The following EXT2 variants were observed in gnomAD, a reference collection of about 807,000 sequenced individuals.
EXT2 encodes the protein exostosin-2.
In EXT2, 53 loss-of-function variants were observed where a neutral mutation model predicts 81.6. The observed-to-expected ratio is 0.65, with a 90% confidence interval of 0.52 to 0.82. The LOEUF (loss-of-function observed/expected upper bound fraction) is 0.82. Ranked by LOEUF, EXT2 falls within the 40% of genes least tolerant of loss-of-function variation. The probability of loss-of-function intolerance (pLI) is 0.00; values close to 1 mark genes in which losing one functional copy is unlikely to be tolerated. For missense variants in EXT2, 774 were observed against 910.2 expected (o/e 0.85, Z 1.93); for synonymous variants, 320 against 340.0 (o/e 0.94, Z 0.65).
intron 13 of EXT2, among the ~76,000 whole-genome samples, chr11:44,239,871 C>T (rs988114707): frequency 2.6e-5 from 4 of 151,906 alleles, no homozygotes; most frequent in African/African-American, 9.7e-5. Flanking sequence ...GGGATTTGTC[C>T]CAGGACCTCT....
intron 1 of EXT2, 52 bp from the exon 2 acceptor site, chr11:44,107,631 C>T: frequency 6.6e-7 from 1 of 1,522,480 alleles, no homozygotes; most frequent in Non-Finnish European, 8.9e-7. Context: ...TTTCAAGTGT[C>T]ATTTGCCATC....
chr11:44,177,830 G>A (rs1347752620), intron 8 of EXT2, among the ~76,000 whole-genome samples: 1 of 152,074 alleles, frequency 6.6e-6, no homozygotes, highest in Non-Finnish European at 1.5e-5. Context: ...GAAGAGAGTA[G>A]GGGTTCTTAT....
At chr11:44,209,285 A>G (rs78548982) in intron 10 of EXT2, among the ~76,000 whole-genome samples, 15,211 of 152,094 alleles carry the variant, frequency 0.1, 764 homozygotes, top group Middle Eastern at 0.18. Flanking sequence ...TTTAGAATGT[A>G]AGCACCAAAA....
rs1956096212 is a variant in EXT2 at position 44,246,660 on chromosome 11, A to G, written c.*2373A>G. Among the ~76,000 whole-genome samples, 1 of 152,252 alleles carries G rather than the reference A, an allele frequency of 6.6e-6. No individual in the cohort carries two copies. Among genetic ancestry groups the G allele is most frequent in the African/African-American group, 2.4e-5 (1 of 41,458 alleles). ...TCAAAGGTGATGTTACCCTATGAAC[A>G]GATAGGTGGTACAGTCACCGTAGAA... On this transcript the variant is annotated 3_prime_UTR_variant, in exon 14 of 14. Coordinates refer to ENST00000533608, the MANE Select transcript of EXT2 (RefSeq NM_207122.2).
At chr11:44,161,155 T>C (rs796667536) in intron 7 of EXT2, among the ~76,000 whole-genome samples, 6 of 152,262 alleles carry the variant, frequency 3.9e-5, no homozygotes, top group African/African-American at 9.6e-5. Context: ...AAAAAGTGGC[T>C]ATATACTTTT....
At chr11:44,221,457 T>G (rs575223871) in intron 10 of EXT2, among the ~76,000 whole-genome samples, 1 of 152,352 alleles carries the variant, frequency 6.6e-6, no homozygotes, top group South Asian at 2.1e-4. Flanking sequence ...ATGAGATATC[T>G]GCAATGATAT....
intron 8 of EXT2, among the ~76,000 whole-genome samples, chr11:44,175,263 G>A (rs550094078): frequency 2.6e-5 from 4 of 152,184 alleles, no homozygotes; most frequent in African/African-American, 7.2e-5. Flanking sequence ...TATACTGTAC[G>A]GTTTATCCAG....
intron 1 of EXT2, among the ~76,000 whole-genome samples, chr11:44,105,932 A>G (rs572500967): frequency 1.3e-5 from 2 of 152,318 alleles, no homozygotes; most frequent in East Asian, 3.9e-4. Flanking sequence ...TGTGGAATCT[A>G]TGCAGAGCTT....
In EXT2 at chr11:44,251,498, C is replaced by A. The variant is rs1956137573; in HGVS notation, c.*7211C>A. ...AGCACAATAAAAGTATCCCATGAGA[C>A]CATTATGAGCAGGACACGACATTGT... On this transcript the variant is annotated 3_prime_UTR_variant, in exon 14 of 14. Coordinates refer to ENST00000533608, the MANE Select transcript of EXT2 (RefSeq NM_207122.2). Among the ~76,000 whole-genome samples the A allele has an allele frequency of 6.6e-6, 1 of 151,998 alleles. No individual in the cohort carries two copies. The highest frequency in any genetic ancestry group is 1.5e-5 in the Non-Finnish European group (1 of 68,002).
chr11:44,188,701 C>G (rs1304551892), intron 8 of EXT2, among the ~76,000 whole-genome samples: 1 of 152,108 alleles, frequency 6.6e-6, no homozygotes, highest in Non-Finnish European at 1.5e-5. Context: ...CAAGGGCTTG[C>G]AATTATTAGA....
At chr11:44,235,225 C>CTTTTTTTTTTTTTTTTTT (rs35214626) in intron 12 of EXT2, among the ~76,000 whole-genome samples, 3 of 50,768 alleles carry the variant, frequency 5.9e-5, no homozygotes, top group Non-Finnish European at 9.7e-5. Flanking sequence ...CCCAAATTTG[C>CTTTTTTTTTTTTTTTTTT]TTTTTTTTTT....
At chr11:44,181,826 T>G (rs1342147515) in intron 8 of EXT2, among the ~76,000 whole-genome samples, 1 of 152,218 alleles carries the variant, frequency 6.6e-6, no homozygotes, top group Non-Finnish European at 1.5e-5. Flanking sequence ...GAAGCTTTCT[T>G]CAAATACCTG....
At chr11:44,160,165 G>A (rs1380397701) in intron 7 of EXT2, among the ~76,000 whole-genome samples, 5 of 152,182 alleles carry the variant, frequency 3.3e-5, no homozygotes, top group African/African-American at 1.2e-4. Flanking sequence ...CTCTCTCCCT[G>A]ACTGGGTTTC....
At position 44,244,830 on chromosome 11, in the gene EXT2, AG is replaced by A; in HGVS notation, c.*545del. On this transcript the variant is annotated 3_prime_UTR_variant, in exon 14 of 14. Coordinates refer to ENST00000533608, the MANE Select transcript of EXT2 (RefSeq NM_207122.2). ...GACCTGGAGTGCTGGGCTTGTGCAC[AG>A]GAAGAGCACCAGCCGCTGAGTCAGG... 4.1e-6 allele frequency: 1 copy of A among 241,874 alleles called. No individual in the cohort carries two copies. Among genetic ancestry groups the A allele is most frequent in the Non-Finnish European group, 8.2e-6 (1 of 122,628 alleles). The allele number at this position is 241,874 out of a possible 1,614,324, so 15.0% of individuals were successfully genotyped here. A position where few individuals can be genotyped will look rare whatever the true frequency, so the allele number is the denominator to read the frequency against.
intron 7 of EXT2, among the ~76,000 whole-genome samples, chr11:44,154,793 C>G (rs1028809459): frequency 2.0e-5 from 3 of 152,098 alleles, no homozygotes; most frequent in African/African-American, 7.2e-5. Context: ...TACATCCTCA[C>G]CAGCATTCAT....
chr11:44,114,121 C>A, intron 3 of EXT2, 64 bp from the exon 4 acceptor site: 1 of 1,372,948 alleles, frequency 7.3e-7, no homozygotes, highest in Non-Finnish European at 1.0e-6. Flanking sequence ...CTGTTCCTCT[C>A]CACAGTGTGT....
At chr11:44,106,157 A>T (rs1404072755) in intron 1 of EXT2, among the ~76,000 whole-genome samples, 1 of 152,224 alleles carries the variant, frequency 6.6e-6, no homozygotes, top group Non-Finnish European at 1.5e-5. Flanking sequence ...CAAATCATAA[A>T]GCTAGCCTAG....
intron 1 of EXT2, among the ~76,000 whole-genome samples, chr11:44,104,050 T>A (rs1954021311): frequency 6.6e-6 from 1 of 152,336 alleles, no homozygotes; most frequent in East Asian, 1.9e-4. Flanking sequence ...TTGTGATATG[T>A]CTTTTTTATA....
chr11:44,159,879 C>G (rs1954906474), intron 7 of EXT2, among the ~76,000 whole-genome samples: 1 of 152,184 alleles, frequency 6.6e-6, no homozygotes, highest in East Asian at 1.9e-4. Context: ...TATTTCCTCA[C>G]TTTTATGTGG....
Sources: allele counts gnomAD v4.1 joint callset (sites outside exome capture counted in the v4.1 genomes callset), GRCh38; gene constraint gnomAD v4.1.1; transcripts MANE v1.5; gene names NCBI Gene and HGNC (gene_info 2026-07-23, HGNC 2026-07-21).